FHOD3: variants seen among roughly 807,000 people sequenced by gnomAD.
The protein encoded by FHOD3 is formin homology 2 domain containing 3.
A neutral mutation model predicts 173.0 loss-of-function variants in FHOD3; 90 were observed. The ratio of observed to expected loss-of-function variants is 0.52; its 90% CI spans 0.44 to 0.62. The LOEUF (loss-of-function observed/expected upper bound fraction) is 0.62, where lower values mean the gene tolerates loss of function less well. Among genes scored for constraint, FHOD3 ranks in the 20% least tolerant of loss-of-function variants. The pLI is 0.00. For missense variants in FHOD3, 1,945 were observed against 2,034.7 expected (o/e 0.96, Z 0.85); for synonymous variants, 828 against 823.0 (o/e 1.01, Z -0.10).
intron 16 of FHOD3, among the ~76,000 whole-genome samples, chr18:36,692,145 C>G (rs2039001817): frequency 6.6e-6 from 1 of 152,218 alleles, no homozygotes. Context: ...ATCGAGAAAC[C>G]ACACCCACCT....
intron 25 of FHOD3, among the ~76,000 whole-genome samples, chr18:36,757,437 GA>G (rs111694603): frequency 3.3e-5 from 5 of 152,264 alleles, no homozygotes; most frequent in African/African-American, 1.2e-4. Context: ...TGAGTATAAA[GA>G]AAAGCTTATA....
chr18:36,721,624 G>A (rs749026379), intron 19 of FHOD3, among the ~76,000 whole-genome samples: 1 of 152,138 alleles, frequency 6.6e-6, no homozygotes, highest in Admixed American at 6.5e-5. Context: ...TCCAGTCTGG[G>A]TGACAGAGCA....
At position 36,740,848 on chromosome 18, in the gene FHOD3, C is replaced by T. The variant is rs369010573; in HGVS notation, c.3759+10C>T. On this transcript the variant is annotated intron_variant, in intron 21 of 28. Transcript: ENST00000590592. ...TGAAACTACAGAAAAGGTAAGCTCT[C>T]TGTAAGAGAGGCCGCTGATCCCACA... is the stretch of plus-strand genomic sequence containing the variant. The T allele has an allele frequency of 2.8e-5, 45 of 1,603,104 alleles. No homozygotes were observed. The African/African-American group carries it at 5.7e-4, about 20-fold the overall frequency.
intron 3 of FHOD3, among the ~76,000 whole-genome samples, chr18:36,399,322 A>C (rs7237108): frequency 0.17 from 25,946 of 152,206 alleles, 2,370 homozygotes; most frequent in Middle Eastern, 0.34. Flanking sequence ...GAACACGGCC[A>C]TGCAAGGCCT....
intron 3 of FHOD3, among the ~76,000 whole-genome samples, chr18:36,382,363 A>G (rs186280663): frequency 6.6e-6 from 1 of 152,322 alleles, no homozygotes; most frequent in Non-Finnish European, 1.5e-5. Context: ...TTCGAGGCCC[A>G]ATAACGAGAA....
chr18:36,720,666 C>A (rs115475945), intron 19 of FHOD3, among the ~76,000 whole-genome samples: 1 of 152,040 alleles, frequency 6.6e-6, no homozygotes, highest in East Asian at 1.9e-4. Flanking sequence ...ACCTACTGAC[C>A]TAATTGGACA....
At chr18:36,568,190 T>C (rs1181961908) in intron 5 of FHOD3, among the ~76,000 whole-genome samples, 1 of 137,698 alleles carries the variant, frequency 7.3e-6, no homozygotes, top group African/African-American at 2.8e-5. Context: ...AAAAATAAAT[T>C]AGCCAGGCAT....
intron 9 of FHOD3, among the ~76,000 whole-genome samples, chr18:36,613,692 G>T (rs1422595270): frequency 6.6e-6 from 1 of 152,090 alleles, no homozygotes; most frequent in East Asian, 1.9e-4. Context: ...GTTGTTTTTT[G>T]AGACAGTCTC....
At chr18:36,360,369 C>T (rs2046550018) in intron 2 of FHOD3, among the ~76,000 whole-genome samples, 1 of 152,216 alleles carries the variant, frequency 6.6e-6, no homozygotes, top group Admixed American at 6.5e-5. Context: ...TGACTCCCTT[C>T]AGGCCTGTGC....
At chr18:36,319,411 G>C (rs959821809) in intron 1 of FHOD3, among the ~76,000 whole-genome samples, 3 of 152,162 alleles carry the variant, frequency 2.0e-5, no homozygotes, top group African/African-American at 7.2e-5. Flanking sequence ...TAATGATAAA[G>C]GGATCAATTC....
chr18:36,653,320 C>A, intron 12 of FHOD3, 22 bp from the exon 13 acceptor site: 2 of 1,516,168 alleles, frequency 1.3e-6, no homozygotes, highest in Non-Finnish European at 1.8e-6. Context: ...ACATTGTGAG[C>A]GGGCTTTTCT....
chr18:36,370,535 AACAC>A (rs1883367049), intron 2 of FHOD3, among the ~76,000 whole-genome samples: 1 of 152,104 alleles, frequency 6.6e-6, no homozygotes, highest in African/African-American at 2.4e-5. Context: ...TATGTGGGGA[AACAC>A]ACACTCAAAG....
chr18:36,313,794 C>G (rs2092307386), intron 1 of FHOD3, among the ~76,000 whole-genome samples: 1 of 152,000 alleles, frequency 6.6e-6, no homozygotes, highest in African/African-American at 2.4e-5. Flanking sequence ...TACCTAGATT[C>G]TTTATTCAGC....
At position 36,355,620 on chromosome 18, in the gene FHOD3, T is replaced by C; in HGVS notation, c.247T>C (p.Leu83=). Residue 83 remains leucine, a synonymous_variant, in exon 2 of 29, where the codon TTG becomes CTG. Coordinates refer to ENST00000590592, the MANE Select transcript of FHOD3 (RefSeq NM_001281740.3). ...CACCCTGGCAGAGCAGCGGGATGAG[T>C]TGGAAGGCTTCCAGGATGACGCCGG... is the stretch of plus-strand genomic sequence containing the variant. ...EATLAEQRDE[L]EGFQDDAGRG... is the part of the protein sequence containing the mutation. 1 of 1,614,030 alleles carries C rather than the reference T, an allele frequency of 6.2e-7. No individual in the cohort carries two copies. The highest frequency in any genetic ancestry group is 8.5e-7 in the Non-Finnish European group (1 of 1,179,962).
chr18:36,737,088 C>A (rs530403668), intron 20 of FHOD3, among the ~76,000 whole-genome samples: 1 of 152,194 alleles, frequency 6.6e-6, no homozygotes, highest in Non-Finnish European at 1.5e-5. Flanking sequence ...TTAACCTGCC[C>A]TTCCACTGTC....
At chr18:36,536,275 G>A (rs868648214) in intron 5 of FHOD3, among the ~76,000 whole-genome samples, 37 of 152,176 alleles carry the variant, frequency 2.4e-4, no homozygotes, top group Non-Finnish European at 1.5e-4. Flanking sequence ...CAAGGTAACT[G>A]TCTGGTCTTA....
chr18:36,554,567 G>T (rs945684007), intron 5 of FHOD3, among the ~76,000 whole-genome samples: 1 of 152,046 alleles, frequency 6.6e-6, no homozygotes, highest in Non-Finnish European at 1.5e-5. Context: ...ACACCACCAT[G>T]GCACATGTAT....
intron 10 of FHOD3, among the ~76,000 whole-genome samples, chr18:36,626,569 G>T (rs2034124992): frequency 6.6e-6 from 1 of 152,136 alleles, no homozygotes; most frequent in Non-Finnish European, 1.5e-5. Flanking sequence ...AGGTCACTGG[G>T]ATGAGGGACT....
chr18:36,339,829 G>C (rs1946300969), intron 1 of FHOD3, among the ~76,000 whole-genome samples: 1 of 152,232 alleles, frequency 6.6e-6, no homozygotes, highest in Non-Finnish European at 1.5e-5. Context: ...GGTCAAAAGA[G>C]ACTGCTGATG....
Sources: gnomAD v4.1 joint callset for allele counts (sites outside exome capture counted in the v4.1 genomes callset) on GRCh38, gnomAD v4.1.1 for gene constraint, MANE v1.5 for transcripts, NCBI Gene and HGNC (gene_info 2026-07-23, HGNC 2026-07-21) for gene names.